The following PPP1R13B variants were observed in gnomAD, a reference collection of about 807,000 sequenced individuals.
The protein encoded by PPP1R13B is protein phosphatase 1 regulatory subunit 13B.
In PPP1R13B, 44 loss-of-function variants were observed where a neutral mutation model predicts 119.8. The ratio of observed to expected loss-of-function variants is 0.37; its 90% CI spans 0.29 to 0.47. The LOEUF is 0.47. PPP1R13B is among the 20% of genes least tolerant of loss of function. The pLI is 0.99. For missense variants in PPP1R13B, 1,227 were observed against 1,413.5 expected (o/e 0.87, Z 2.12); for synonymous variants, 542 against 561.5 (o/e 0.97, Z 0.49).
At chr14:103,794,685 T>C (rs2085715393) in intron 2 of PPP1R13B, 1 of 436,950 alleles carries the variant, frequency 2.3e-6, no homozygotes, top group Non-Finnish European at 4.6e-6. Context: ...AAAATCTCTG[T>C]AAGGGTTCCT....
chr14:103,848,102 G>T (rs2087115591), upstream of PPP1R13B, among the ~76,000 whole-genome samples: 1 of 151,948 alleles, frequency 6.6e-6, no homozygotes, highest in South Asian at 2.1e-4. Flanking sequence ...GAGGCCGCGC[G>T]CTCGGAACCA....
At chr14:103,753,972 C>T (rs1435012230) in intron 6 of PPP1R13B, 98 bp downstream of exon 6, 1 of 1,405,914 alleles carries the variant, frequency 7.1e-7, no homozygotes, top group Non-Finnish European at 9.7e-7. Flanking sequence ...GCTATTTAGT[C>T]CTGTGAATTT....
chr14:103,839,427 A>C (rs909441573), intron 1 of PPP1R13B, among the ~76,000 whole-genome samples: 1 of 151,966 alleles, frequency 6.6e-6, no homozygotes, highest in Non-Finnish European at 1.5e-5. Flanking sequence ...TGGGAGTTTG[A>C]GACCAGCCTG....
At chr14:103,848,324 T>C (rs2152095548), upstream of PPP1R13B, 1 of 985,392 alleles carries the variant, frequency 1.0e-6, no homozygotes, top group African/African-American at 1.7e-5. Context: ...GAGGGTCCGG[T>C]CCTCGTCTCC....
chr14:103,765,138 T>A (rs1246196339), intron 4 of PPP1R13B, among the ~76,000 whole-genome samples: 1 of 152,234 alleles, frequency 6.6e-6, no homozygotes, highest in Non-Finnish European at 1.5e-5. Context: ...TTCTATAGCC[T>A]GTGTCAGGTC....
At chr14:103,737,885 G>A (rs188451550) in intron 14 of PPP1R13B, 25 bp from the exon 15 acceptor site, 1 of 1,605,466 alleles carries the variant, frequency 6.2e-7, no homozygotes, top group East Asian at 2.2e-5. Flanking sequence ...GGGTGAAGGT[G>A]CAGGCCTGGC....
chr14:103,746,685 G>C, intron 8 of PPP1R13B, 132 bp from the exon 9 acceptor site: 1 of 727,440 alleles, frequency 1.4e-6, no homozygotes. Flanking sequence ...CTGTCATCTG[G>C]AAAGATCAGC....
At chr14:103,770,376 G>A (rs1213972829) in intron 4 of PPP1R13B, among the ~76,000 whole-genome samples, 4 of 152,058 alleles carry the variant, frequency 2.6e-5, no homozygotes, top group Non-Finnish European at 5.9e-5. Context: ...TTAGCCAGGC[G>A]TGGTGGCGCA....
chr14:103,792,539 A>G (rs1210394943), intron 2 of PPP1R13B, among the ~76,000 whole-genome samples: 5 of 152,158 alleles, frequency 3.3e-5, no homozygotes, highest in Non-Finnish European at 5.9e-5. Flanking sequence ...TTAACTGAAC[A>G]TAATTTTCGT....
chr14:103,769,409 A>C (rs1173711193), intron 4 of PPP1R13B, among the ~76,000 whole-genome samples: 1 of 151,476 alleles, frequency 6.6e-6, no homozygotes, highest in Non-Finnish European at 1.5e-5. Flanking sequence ...TGTATTTTAA[A>C]ATTTTTTTTT....
rs918603177 is a variant in PPP1R13B, at chr14:103,738,051, G to C, written c.2865-191C>G. On this transcript the variant is annotated intron_variant, in intron 14 of 16. Coordinates refer to ENST00000202556, the MANE Select transcript of PPP1R13B (RefSeq NM_015316.3). This position sits in a 1 kb window ranked among gnomAD's most constrained non-coding sequence, Gnocchi z 5.6. ...CAGACCATACATACATTTTGAAAAG[G>C]GGGCACAGGGAATGGGTTAAGAAAT... Among the ~76,000 whole-genome samples, 8 of 152,204 alleles carry C rather than the reference G, an allele frequency of 5.3e-5. No individual in the cohort carries two copies. Among genetic ancestry groups the C allele is most frequent in the African/African-American group, 1.2e-4 (5 of 41,436 alleles).
chr14:103,778,571 T>C (rs1323302170), intron 4 of PPP1R13B, 174 bp downstream of exon 4: 3 of 594,512 alleles, frequency 5.0e-6, no homozygotes, highest in East Asian at 5.7e-5. Flanking sequence ...ATCTGATTAA[T>C]TTTTTAAAAC....
intron 4 of PPP1R13B, among the ~76,000 whole-genome samples, chr14:103,768,761 G>C (rs1016727979): frequency 6.6e-6 from 1 of 152,006 alleles, no homozygotes; most frequent in Non-Finnish European, 1.5e-5. Context: ...AGGAGAGATG[G>C]GGTTTCACCA....
At chr14:103,787,228 C>A (rs1019096351) in intron 2 of PPP1R13B, among the ~76,000 whole-genome samples, 1 of 151,190 alleles carries the variant, frequency 6.6e-6, no homozygotes, top group Non-Finnish European at 1.5e-5. Flanking sequence ...GCAGGTGGAC[C>A]ACCTGAGGTT....
intron 11 of PPP1R13B, 70 bp downstream of exon 11, chr14:103,741,720 C>T: frequency 6.7e-7 from 1 of 1,501,434 alleles, no homozygotes; most frequent in Non-Finnish European, 9.0e-7. Context: ...TAAAGAAATA[C>T]ATTAGTATTT....
intron 1 of PPP1R13B, among the ~76,000 whole-genome samples, chr14:103,826,017 G>GTATTTT (rs991372873): frequency 6.6e-6 from 1 of 151,678 alleles, no homozygotes; most frequent in African/African-American, 2.4e-5. Context: ...GTTAATTTTT[G>GTATTTT]TATTTTTATT....
At chr14:103,759,318 T>A (rs1250951504) in intron 4 of PPP1R13B, 1 of 149,080 alleles carries the variant, frequency 6.7e-6, no homozygotes, top group Non-Finnish European at 1.5e-5. Flanking sequence ...GAAAAAGCAA[T>A]ACGGTACAAG....
rs535529547 is a variant in PPP1R13B, at chr14:103,798,456, A to C, written c.10-938T>G. On this transcript the variant is annotated intron_variant, in intron 1 of 16. Transcript: ENST00000202556. ...TGTGAGCCACCACACCCGGCCAAGAATCTCTTATAATCCAGAAAAACAAGG... is the reference window on the plus strand; with the variant it reads ...TGTGAGCCACCACACCCGGCCAAGACTCTCTTATAATCCAGAAAAACAAGG... 2.6e-5 allele frequency among the ~76,000 whole-genome samples: 4 copies of C among 151,890 alleles called. No homozygotes were observed. In the South Asian group the frequency reaches 8.3e-4, roughly 32 times the overall value.
In PPP1R13B at chr14:103,736,199, A is replaced by T; in HGVS notation, c.3035T>A (p.Val1012Glu). The T allele has an allele frequency of 6.2e-7, 1 of 1,613,156 alleles. No individual in the cohort carries two copies. Among genetic ancestry groups the T allele is most frequent in the Non-Finnish European group, 8.5e-7 (1 of 1,179,754 alleles). Reference protein sequence around the residue: ...YIQCSQFLYGVQEKLGVMNKG... With the variant: ...YIQCSQFLYGEQEKLGVMNKG... The stretch of plus-strand genomic sequence containing the variant: ...GTTCATCACACCCAGCTTTTCCTGC[A>T]CCCCTGGAGCCAGAGAGCAATGGTC... Residue 1012 changes from valine to glutamate, a missense_variant, in exon 16 of 17, where the codon GTG becomes GAG. Transcript: ENST00000202556.
Sources: allele counts gnomAD v4.1 joint callset (sites outside exome capture counted in the v4.1 genomes callset), GRCh38; gene constraint gnomAD v4.1.1; non-coding constraint Gnocchi (gnomAD v3.1); transcripts MANE v1.5; gene names NCBI Gene and HGNC (gene_info 2026-07-23, HGNC 2026-07-21).